TLN2: variants seen among roughly 807,000 people sequenced by gnomAD.
TLN2 encodes talin-2.
In TLN2, 118 loss-of-function variants were observed where a neutral mutation model predicts 294.7. That is an observed-to-expected ratio of 0.40 (90% CI 0.34 to 0.47). TLN2 has a LOEUF of 0.47. TLN2 is among the 20% of genes least tolerant of loss of function. The probability of loss-of-function intolerance (pLI) is 0.84; values close to 1 mark genes in which losing one functional copy is unlikely to be tolerated. For missense variants in TLN2, 3,083 were observed against 3,282.2 expected (o/e 0.94, Z 1.48); for synonymous variants, 1,431 against 1,304.5 (o/e 1.10, Z -2.09).
chr15:62,703,859 T>C (rs1318006790), intron 19 of TLN2, among the ~76,000 whole-genome samples: 1 of 152,150 alleles, frequency 6.6e-6, no homozygotes, highest in Non-Finnish European at 1.5e-5. Flanking sequence ...ACATCTCTGC[T>C]CATCTGCCTC....
intron 1 of TLN2, among the ~76,000 whole-genome samples, chr15:62,586,930 T>G (rs1312776400): frequency 1.3e-5 from 2 of 152,234 alleles, no homozygotes; most frequent in Non-Finnish European, 2.9e-5. Flanking sequence ...TTCATTCTTA[T>G]GACTACAGGA....
At chr15:62,655,515 A>T (rs1015686178) in intron 7 of TLN2, among the ~76,000 whole-genome samples, 2 of 152,180 alleles carry the variant, frequency 1.3e-5, no homozygotes, top group Non-Finnish European at 2.9e-5. Context: ...AGATCACTTT[A>T]TTAGGTGAGA....
intron 1 of TLN2, among the ~76,000 whole-genome samples, chr15:62,570,117 C>G (rs550682253): frequency 6.6e-6 from 1 of 152,284 alleles, no homozygotes; most frequent in Admixed American, 6.5e-5. Flanking sequence ...AAAATACTAA[C>G]AAGATTGCCC....
chr15:62,466,504 C>T (rs1212397476), intron 1 of TLN2, among the ~76,000 whole-genome samples: 1 of 152,240 alleles, frequency 6.6e-6, no homozygotes, highest in Non-Finnish European at 1.5e-5. Context: ...CCAAAAACGT[C>T]TCCAGACATT....
At chr15:62,600,326 T>G (rs117338088) in intron 2 of TLN2, among the ~76,000 whole-genome samples, 1 of 152,272 alleles carries the variant, frequency 6.6e-6, no homozygotes, top group East Asian at 1.9e-4. Flanking sequence ...TTCAGCACAT[T>G]AGGCAAAAAT....
chr15:62,396,389 G>C (rs1276139200), intron 1 of TLN2, among the ~76,000 whole-genome samples: 2 of 152,122 alleles, frequency 1.3e-5, no homozygotes, highest in Admixed American at 1.3e-4. Context: ...GAAGTATCAC[G>C]CTTACTTTCT....
At position 62,653,193 on chromosome 15, in the gene TLN2, C is replaced by A; in HGVS notation, c.396C>A (p.Ile132=). 6.2e-7 allele frequency: 1 copy of A among 1,600,196 alleles called. No individual in the cohort carries two copies. Among genetic ancestry groups the A allele is most frequent in the South Asian group, 1.1e-5 (1 of 88,454 alleles). Residue 132 remains isoleucine (I), a synonymous_variant, in exon 7 of 59, where the codon ATC becomes ATA. Transcript: ENST00000636159. ...CAAATTATGAAGAATACTCCTTAATCCAAGAAACTATTGAAGAAAAGAAAG... is the reference window on the plus strand; with the variant it reads ...CAAATTATGAAGAATACTCCTTAATACAAGAAACTATTGAAGAAAAGAAAG... ...GITNYEEYSL[I]QETIEEKKEE...
At chr15:62,830,856 TTC>T (rs1462501150) in intron 54 of TLN2, 1 of 152,152 alleles carries the variant, frequency 6.6e-6, no homozygotes, top group Non-Finnish European at 1.5e-5. Flanking sequence ...TCTTAATACT[TTC>T]TTATCAGAGC....
At chr15:62,474,429 G>A (rs1012530481) in intron 1 of TLN2, among the ~76,000 whole-genome samples, 5 of 152,112 alleles carry the variant, frequency 3.3e-5, no homozygotes, top group African/African-American at 1.2e-4. Flanking sequence ...GATTGCTTGA[G>A]CCTGGGGGTT....
chr15:62,400,063 T>C (rs1211366971), intron 1 of TLN2, among the ~76,000 whole-genome samples: 2 of 152,226 alleles, frequency 1.3e-5, no homozygotes, highest in East Asian at 3.9e-4. Context: ...TATTGAATTA[T>C]GGGGGCGGTT....
At chr15:62,452,790 C>G (rs1167739031) in intron 1 of TLN2, among the ~76,000 whole-genome samples, 1 of 152,218 alleles carries the variant, frequency 6.6e-6, no homozygotes, top group African/African-American at 2.4e-5. Flanking sequence ...GGAGACAGTC[C>G]TCCTGCTCCC....
At chr15:62,802,411 T>TAC (rs60573464) in intron 50 of TLN2, among the ~76,000 whole-genome samples, 34,015 of 149,666 alleles carry the variant, frequency 0.23, 3,952 homozygotes, top group Non-Finnish European at 0.27. Flanking sequence ...TATACAATGG[T>TAC]ACACACACAC....
At chr15:62,583,760 C>G (rs908694952) in intron 1 of TLN2, among the ~76,000 whole-genome samples, 1 of 152,068 alleles carries the variant, frequency 6.6e-6, no homozygotes, top group South Asian at 2.1e-4. Context: ...GGCTTTGTAC[C>G]AAGTAGAGTT....
intron 3 of TLN2, among the ~76,000 whole-genome samples, chr15:62,630,962 A>C (rs2049751101): frequency 6.6e-6 from 1 of 152,206 alleles, no homozygotes; most frequent in Non-Finnish European, 1.5e-5. Flanking sequence ...GTCTTTCGAA[A>C]GATAAATAGA....
chr15:62,583,251 C>G (rs1038376671), intron 1 of TLN2, among the ~76,000 whole-genome samples: 6 of 152,234 alleles, frequency 3.9e-5, no homozygotes, highest in African/African-American at 1.4e-4. Flanking sequence ...GTGTTAAAAG[C>G]TTATTTTTGT....
intron 1 of TLN2, among the ~76,000 whole-genome samples, chr15:62,406,480 T>C (rs1200194380): frequency 1.3e-5 from 2 of 152,190 alleles, no homozygotes; most frequent in Non-Finnish European, 2.9e-5. Context: ...TCCTGCAGAG[T>C]AGCACTACCC....
intron 11 of TLN2, among the ~76,000 whole-genome samples, chr15:62,684,486 G>A (rs2057124241): frequency 6.6e-6 from 1 of 152,178 alleles, no homozygotes; most frequent in African/African-American, 2.4e-5. Flanking sequence ...GCTTGTCAGT[G>A]TTTTTTAAGA....
intron 1 of TLN2, among the ~76,000 whole-genome samples, chr15:62,587,822 T>C (rs981299597): frequency 5.3e-5 from 8 of 152,236 alleles, no homozygotes; most frequent in Admixed American, 1.3e-4. Context: ...TGGTTATTTA[T>C]TGTCAGTCTT....
intron 9 of TLN2, among the ~76,000 whole-genome samples, chr15:62,664,092 A>G (rs373525286): frequency 6.6e-6 from 1 of 152,162 alleles, no homozygotes; most frequent in East Asian, 1.9e-4. Context: ...AGATTGATAA[A>G]TTTACCTTTA....
Sources: allele counts gnomAD v4.1 joint callset (sites outside exome capture counted in the v4.1 genomes callset), GRCh38; gene constraint gnomAD v4.1.1; transcripts MANE v1.5; gene names NCBI Gene and HGNC (gene_info 2026-07-23, HGNC 2026-07-21).